BPTF: variants seen among roughly 807,000 people sequenced by gnomAD.
BPTF encodes the protein nucleosome-remodeling factor subunit BPTF.
BPTF carries 18 observed loss-of-function variants against 292.5 expected under a neutral mutation model. That is an observed-to-expected ratio of 0.06 (90% CI 0.04 to 0.09). BPTF has a LOEUF of 0.09. Ranked by LOEUF, BPTF falls within the 10% of genes least tolerant of loss-of-function variation. BPTF has a pLI of 1.00. For synonymous variants in BPTF, 1,225 were observed against 1,251.9 expected, an observed-to-expected ratio of 0.98 and a Z score of 0.45; for missense variants, 2,726 against 3,498.7, an observed-to-expected ratio of 0.78 and a Z score of 5.57.
At chr17:67,952,848 T>G (rs1437365900) in intron 23 of BPTF, among the ~76,000 whole-genome samples, 1 of 152,212 alleles carries the variant, frequency 6.6e-6, no homozygotes, top group Non-Finnish European at 1.5e-5. Flanking sequence ...GCCACCTTCT[T>G]GTTCCTCCTC....
chr17:67,923,776 G>C (rs548036086), intron 14 of BPTF, among the ~76,000 whole-genome samples: 4 of 151,692 alleles, frequency 2.6e-5, no homozygotes, highest in African/African-American at 9.7e-5. Flanking sequence ...CACCGCGCCC[G>C]GCCCTCTCTC....
chr17:67,826,163 G>A lies in BPTF; in HGVS notation c.439G>A (p.Glu147Lys), dbSNP rs758940396. ...EEDMVSEEEE[E>K]EDGDAEETQD... is the part of the protein sequence containing the mutation. ...GGACATGGTCTCCGAGGAGGAGGAG[G>A]AGGAGGACGGCGACGCCGAGGAGAC... is the stretch of plus-strand genomic sequence containing the variant. Residue 147 changes from glutamate to lysine, a missense_variant, in exon 1 of 28, where the codon GAG becomes AAG. Transcript: ENST00000306378. The A allele has an allele frequency of 6.4e-7, 1 of 1,555,300 alleles. No individual in the cohort carries two copies. Among genetic ancestry groups the A allele is most frequent in the Non-Finnish European group, 8.9e-7 (1 of 1,126,892 alleles).
At chr17:67,938,746 A>G (rs1328341642) in intron 18 of BPTF, among the ~76,000 whole-genome samples, 1 of 152,234 alleles carries the variant, frequency 6.6e-6, no homozygotes, top group African/African-American at 2.4e-5. Context: ...AATTTTTAAA[A>G]AGACTAGTCT....
chr17:67,909,603 A>G lies in BPTF; in HGVS notation c.2834A>G (p.Asn945Ser). The G allele has an allele frequency of 6.4e-7, 1 of 1,566,536 alleles. No homozygotes were observed. Among genetic ancestry groups the G allele is most frequent in the East Asian group, 2.3e-5 (1 of 44,380 alleles). Residue 945 changes from asparagine (N) to serine (S), a missense_variant, in exon 10 of 28, where the codon AAT becomes AGT. Asn to Ser is a conservative substitution (Grantham distance 46). This residue lies in a region of BPTF where 713 missense variants were observed against 714.9 expected (regional missense o/e 1.00). Coordinates refer to ENST00000306378, the MANE Select transcript of BPTF (RefSeq NM_182641.4). Reference protein sequence around the residue: ...LEGTKNNMDENMDESDKRKCS... With the variant: ...LEGTKNNMDESMDESDKRKCS... Reference sequence around the variant, plus strand: ...TTAGCCAAAAATAATATGGATGAAAATATGGATGAGTCAGATAAAAGAAAA... The same window carrying G: ...TTAGCCAAAAATAATATGGATGAAAGTATGGATGAGTCAGATAAAAGAAAA...
chr17:67,977,614 C>CA (rs1555694692), intron 27 of BPTF: 1 of 151,608 alleles, frequency 6.6e-6, no homozygotes, highest in East Asian at 2.0e-4. Context: ...GAGGCCGAGG[C>CA]GGGCGGATCA....
At chr17:67,981,373 T>C in intron 27 of BPTF, 1 of 683,106 alleles carries the variant, frequency 1.5e-6, no homozygotes, top group Non-Finnish European at 2.0e-6. Flanking sequence ...GCACATTGTT[T>C]TCATTACTGC....
chr17:67,980,028 G>A (rs782537611), intron 27 of BPTF, among the ~76,000 whole-genome samples: 17 of 149,832 alleles, frequency 1.1e-4, no homozygotes, highest in Non-Finnish European at 2.1e-4. Flanking sequence ...GTGAGACTCC[G>A]TCTGAAAACA....
chr17:67,860,958 C>A (rs979302989), intron 2 of BPTF, among the ~76,000 whole-genome samples: 30 of 152,210 alleles, frequency 2.0e-4, no homozygotes, highest in African/African-American at 7.2e-4. Flanking sequence ...GTACAAACCA[C>A]ATATTAACTT....
Position 67,911,484 on chromosome 17 carries a change from C to G in BPTF, c.3600C>G (p.Gly1200=). The change falls in exon 11 of 28, where the codon GGC becomes GGG. Residue 1200 remains glycine, a synonymous_variant. Transcript: ENST00000306378. ...AAGTCTCTGACCTTGCCAGTAGAGG[C>G]CAGGAACCCAGTAAGAGTAAAACAA... ...EEKVSDLASR[G]QEPSKSKTKG... 1 of 1,613,842 alleles carries G rather than the reference C, an allele frequency of 6.2e-7. No homozygotes were observed. Among genetic ancestry groups the G allele is most frequent in the Non-Finnish European group, 8.5e-7 (1 of 1,179,974 alleles).
At chr17:67,979,456 ATCAC>A (rs2070040447) in intron 27 of BPTF, among the ~76,000 whole-genome samples, 1 of 151,380 alleles carries the variant, frequency 6.6e-6, no homozygotes, top group African/African-American at 2.4e-5. Flanking sequence ...CTGAGACAGA[ATCAC>A]TTGAACCTGG....
At chr17:67,981,036 G>C (rs1255147374) in intron 27 of BPTF, among the ~76,000 whole-genome samples, 1 of 152,174 alleles carries the variant, frequency 6.6e-6, no homozygotes, top group African/African-American at 2.4e-5. Flanking sequence ...GCATGTGCCT[G>C]TAGTCCCAGC....
intron 1 of BPTF, among the ~76,000 whole-genome samples, chr17:67,831,694 G>T (rs2056696625): frequency 6.6e-6 from 1 of 152,126 alleles, no homozygotes; most frequent in Non-Finnish European, 1.5e-5. Context: ...TGGTGGGCAA[G>T]TAGTATTCTG....
At chr17:67,971,158 A>T (rs2068717365) in intron 26 of BPTF, among the ~76,000 whole-genome samples, 2 of 152,178 alleles carry the variant, frequency 1.3e-5, no homozygotes, top group African/African-American at 4.8e-5. Flanking sequence ...GGCTCACTGC[A>T]ACCTCAGCCT....
intron 27 of BPTF, among the ~76,000 whole-genome samples, chr17:67,980,101 G>A (rs1555696108): frequency 6.6e-6 from 1 of 151,512 alleles, no homozygotes; most frequent in African/African-American, 2.4e-5. Context: ...TCCTAACACT[G>A]TGGGAGGCTG....
chr17:67,886,282 A>G (rs753236097), intron 4 of BPTF: 15 of 1,613,956 alleles, frequency 9.3e-6, no homozygotes, highest in Non-Finnish European at 1.0e-5. Flanking sequence ...GAGAAAGAGA[A>G]TCTCATACAC....
intron 7 of BPTF, among the ~76,000 whole-genome samples, chr17:67,896,242 A>C (rs558653417): frequency 3.9e-5 from 6 of 152,206 alleles, no homozygotes; most frequent in Admixed American, 6.5e-5. Flanking sequence ...GATTACAGGC[A>C]TGAGTGACTG....
At chr17:67,847,419 CAGA>C (rs1214498723) in intron 1 of BPTF, among the ~76,000 whole-genome samples, 2 of 151,810 alleles carry the variant, frequency 1.3e-5, no homozygotes, top group Non-Finnish European at 2.9e-5. Context: ...GAGGCTGAGG[CAGA>C]AGAATAGCGT....
chr17:67,901,968 C>A (rs922086611), intron 7 of BPTF, among the ~76,000 whole-genome samples: 5 of 152,212 alleles, frequency 3.3e-5, no homozygotes, highest in African/African-American at 1.2e-4. Context: ...ACCACAAAAC[C>A]CTGAGCACCA....
intron 7 of BPTF, among the ~76,000 whole-genome samples, chr17:67,894,623 C>T (rs1050714204): frequency 2.6e-5 from 4 of 152,134 alleles, no homozygotes; most frequent in South Asian, 2.1e-4. Flanking sequence ...CCACCGCACC[C>T]ACCATGAATA....
Sources: allele counts gnomAD v4.1 joint callset (sites outside exome capture counted in the v4.1 genomes callset), GRCh38; gene constraint gnomAD v4.1.1; regional missense constraint gnomAD v4.1.1; transcripts MANE v1.5; gene names NCBI Gene and HGNC (gene_info 2026-07-23, HGNC 2026-07-21).